The following ADAMTSL1 variants were observed in gnomAD, a reference collection of about 807,000 sequenced individuals.
ADAMTSL1 encodes ADAMTS-like protein 1.
In ADAMTSL1, 126 loss-of-function variants were observed where a neutral mutation model predicts 201.8. The ratio of observed to expected loss-of-function variants is 0.62; its 90% CI spans 0.54 to 0.72. ADAMTSL1 has a LOEUF of 0.72. Among genes scored for constraint, ADAMTSL1 ranks in the 30% least tolerant of loss-of-function variants. The pLI is 0.00. For synonymous variants in ADAMTSL1, 1,121 were observed against 903.4 expected, an observed-to-expected ratio of 1.24 and a Z score of -4.32; for missense variants, 2,679 against 2,277.8, an observed-to-expected ratio of 1.18 and a Z score of -3.59.
At chr9:18,169,406 T>C (rs1827789364) in intron 2 of ADAMTSL1, among the ~76,000 whole-genome samples, 1 of 152,138 alleles carries the variant, frequency 6.6e-6, no homozygotes, top group Admixed American at 6.6e-5. Flanking sequence ...TTCTTGTTTT[T>C]GTCAGGTTTG....
At chr9:17,924,259 C>G (rs1321552025) in intron 1 of ADAMTSL1, among the ~76,000 whole-genome samples, 3 of 152,146 alleles carry the variant, frequency 2.0e-5, no homozygotes, top group African/African-American at 2.4e-5. Context: ...TGGTCCTGGA[C>G]TCTTTTTGGT....
At chr9:18,651,229 G>A (rs1323389385) in intron 7 of ADAMTSL1, 2 of 152,192 alleles carry the variant, frequency 1.3e-5, no homozygotes, top group Admixed American at 6.5e-5. Flanking sequence ...ATAACTGGCT[G>A]ACTTAGTATC....
rs763829691 is a variant in ADAMTSL1 at position 18,504,963 on chromosome 9, C to A, written c.191+7C>A. On this transcript the variant is annotated splice_region_variant and intron_variant, in intron 2 of 28. Transcript: ENST00000380548. The stretch of plus-strand genomic sequence containing the variant: ...GGCGCTGCCTGAGCAGCAAGTAAGT[C>A]CTGCACCCGTTGGGGGTCTTTGTGA... 6.2e-7 allele frequency: 1 copy of A among 1,603,764 alleles called. No homozygotes were observed. The highest frequency in any genetic ancestry group is 1.7e-5 in the Admixed American group (1 of 58,198).
chr9:18,826,446 C>G lies in ADAMTSL1; in HGVS notation c.4097C>G (p.Thr1366Ser), dbSNP rs1363530360. 6.2e-7 allele frequency: 1 copy of G among 1,613,406 alleles called. No homozygotes were observed. Among genetic ancestry groups the G allele is most frequent in the Non-Finnish European group, 8.5e-7 (1 of 1,179,688 alleles). The change falls in exon 22 of 29, where the codon ACC becomes AGC. Residue 1366 changes from threonine to serine, a missense_variant. Thr to Ser is a moderately conservative substitution (Grantham distance 58). Transcript: ENST00000380548. ...CTTCATGGAGAGCTGACTGAGAGCA[C>G]CCAGCTGCTGATCCTAGGTAAACAC... ...ANLHGELTESTQLLILDPPQV... is the reference protein window; with the variant it reads ...ANLHGELTESSQLLILDPPQV...
chr9:18,852,910 G>A (rs939778603), intron 23 of ADAMTSL1, among the ~76,000 whole-genome samples: 1 of 152,180 alleles, frequency 6.6e-6, no homozygotes, highest in Non-Finnish European at 1.5e-5. Flanking sequence ...TGGTAAGGTA[G>A]GATTTCTGGG....
intron 2 of ADAMTSL1, among the ~76,000 whole-genome samples, chr9:18,291,668 A>ATC (rs143766877): frequency 0.035 from 4,180 of 120,152 alleles, 146 homozygotes; most frequent in African/African-American, 0.095. Context: ...TCTCCCCATC[A>ATC]TCTCTCTCTC....
intron 20 of ADAMTSL1, among the ~76,000 whole-genome samples, chr9:18,798,428 T>TA (rs765257747): frequency 9.8e-5 from 15 of 152,320 alleles, no homozygotes; most frequent in Admixed American, 2.6e-4. Flanking sequence ...CAATCATTCA[T>TA]AAAAAATGTT....
rs1174220939 is a variant in ADAMTSL1, at chr9:18,807,655, AAAAC to A, written c.3806-9450_3806-9447del. Among the ~76,000 whole-genome samples, 866 of 89,772 alleles carry A rather than the reference AAAAC, an allele frequency of 9.6e-3. 12 individuals carry two copies. The highest frequency in any genetic ancestry group is 0.025 in the Admixed American group (241 of 9,654). The allele number at this position is 89,772 out of a possible 152,430, so 58.9% of individuals were successfully genotyped here. A position where few individuals can be genotyped will look rare whatever the true frequency, so the allele number is the denominator to read the frequency against. ...AGCGAGACTCTGTCTCAAAAAAAAA[AAAAC>A]AAAAAAAAAACAAAGCATACATAGT... is the stretch of plus-strand genomic sequence containing the variant. On this transcript the variant is annotated intron_variant, in intron 20 of 28. Coordinates refer to ENST00000380548, the MANE Select transcript of ADAMTSL1 (RefSeq NM_001040272.6).
intron 23 of ADAMTSL1, among the ~76,000 whole-genome samples, chr9:18,856,853 G>A (rs747215876): frequency 1.9e-4 from 29 of 152,236 alleles, no homozygotes; most frequent in Non-Finnish European, 3.8e-4. Context: ...GTATTTAATG[G>A]ATAGACAAGA....
At chr9:18,257,871 A>G (rs1831750197) in intron 2 of ADAMTSL1, among the ~76,000 whole-genome samples, 1 of 152,256 alleles carries the variant, frequency 6.6e-6, no homozygotes, top group Non-Finnish European at 1.5e-5. Context: ...AATAAGGACA[A>G]ATACTATGTG....
chr9:18,589,060 A>G (rs1271658745), intron 4 of ADAMTSL1, among the ~76,000 whole-genome samples: 3 of 151,710 alleles, frequency 2.0e-5, no homozygotes, highest in Non-Finnish European at 4.4e-5. Flanking sequence ...TATTTTTAGT[A>G]GAGATGGGGT....
intron 2 of ADAMTSL1, among the ~76,000 whole-genome samples, chr9:18,281,078 G>A (rs970364838): frequency 6.6e-6 from 1 of 152,034 alleles, no homozygotes; most frequent in Non-Finnish European, 1.5e-5. Flanking sequence ...GGTGTTCTGT[G>A]TGGGAGACGC....
Position 18,210,454 on chromosome 9 carries a change from A to C in ADAMTSL1, c.207+46473A>C, listed in dbSNP as rs558313799. On this transcript the variant is annotated intron_variant, in intron 2 of 29. Coordinates refer to the ADAMTSL1 transcript ENST00000680146. ...ATATATTATGTATGATATATTAATA[A>C]ATATATATTAATTATATATGATATA... Among the ~76,000 whole-genome samples the C allele has an allele frequency of 7.3e-4, 108 of 147,024 alleles. 2 individuals are homozygous for C. In the South Asian group the frequency reaches 0.022, roughly 29 times the overall value.
At chr9:18,759,986 A>G (rs185450743) in intron 16 of ADAMTSL1, among the ~76,000 whole-genome samples, 3 of 152,266 alleles carry the variant, frequency 2.0e-5, no homozygotes, top group East Asian at 3.9e-4. Context: ...GACTGTGTGC[A>G]TAGCACCGTG....
intron 2 of ADAMTSL1, among the ~76,000 whole-genome samples, chr9:18,511,260 A>G (rs1442008624): frequency 6.6e-6 from 1 of 151,914 alleles, no homozygotes; most frequent in Non-Finnish European, 1.5e-5. Context: ...ATAAATTAAT[A>G]CTACATTAAT....
intron 1 of ADAMTSL1, among the ~76,000 whole-genome samples, chr9:18,483,633 C>G (rs776434157): frequency 1.6e-4 from 24 of 152,142 alleles, no homozygotes; most frequent in Non-Finnish European, 2.8e-4. Context: ...CGAGACCATC[C>G]TCGCTAACAC....
At chr9:18,896,296 A>AGGGAATC (rs1445638110) in intron 26 of ADAMTSL1, among the ~76,000 whole-genome samples, 4 of 152,188 alleles carry the variant, frequency 2.6e-5, no homozygotes, top group African/African-American at 9.6e-5. Context: ...AGAAACAAAG[A>AGGGAATC]GGGAATCTTG....
Position 18,517,938 on chromosome 9 carries a change from A to G in ADAMTSL1, c.191+12982A>G, listed in dbSNP as rs570569355. Among the ~76,000 whole-genome samples, 14 of 152,226 alleles carry G rather than the reference A, an allele frequency of 9.2e-5. No homozygotes were observed. In the South Asian group the frequency reaches 2.7e-3, roughly 29 times the overall value. ...CTTCATGGCCTGGAGTTATCTTTAT[A>G]ACAGTTCCTTCTGTATGTTTCTTCC... On this transcript the variant is annotated intron_variant, in intron 2 of 28. Coordinates refer to ENST00000380548, the MANE Select transcript of ADAMTSL1 (RefSeq NM_001040272.6).
intron 2 of ADAMTSL1, among the ~76,000 whole-genome samples, chr9:18,197,179 C>T (rs952779091): frequency 5.9e-5 from 9 of 152,152 alleles, no homozygotes; most frequent in Admixed American, 1.3e-4. Context: ...TTTAAAAGTA[C>T]GGCTTCTTTA....
Sources: allele counts gnomAD v4.1 joint callset (sites outside exome capture counted in the v4.1 genomes callset), GRCh38; gene constraint gnomAD v4.1.1; transcripts MANE v1.5; gene names NCBI Gene and HGNC (gene_info 2026-07-23, HGNC 2026-07-21).